LAG3: variants seen among roughly 807,000 people sequenced by gnomAD.
LAG3 encodes lymphocyte activation gene 3 protein.
In LAG3, 29 loss-of-function variants were observed where a neutral mutation model predicts 49.0. The ratio of observed to expected loss-of-function variants is 0.59; its 90% confidence interval spans 0.44 to 0.81. The LOEUF (loss-of-function observed/expected upper bound fraction) is 0.81, where lower values mean the gene tolerates loss of function less well. LAG3 is among the 30% of genes least tolerant of loss of function. The pLI, the probability that LAG3 is intolerant of heterozygous loss-of-function variation, is 0.00. For missense variants in LAG3, 693 were observed against 695.2 expected (o/e 1.00, Z 0.04); for synonymous variants, 320 against 297.3 (o/e 1.08, Z -0.79).
Position 6,778,280 on chromosome 12 carries a change from A to T in LAG3, c.1468A>T (p.Ile490Phe), listed in dbSNP as rs139429051. Residue 490 changes from isoleucine (I) to phenylalanine (F), a missense_variant, in exon 8 of 8, where the codon ATT (isoleucine) becomes TTT (phenylalanine). Coordinates refer to ENST00000203629, the MANE Select transcript of LAG3 (RefSeq NM_002286.6). ...PRRFSALEQG[I>F]HPPQAQSKIE... is the part of the protein sequence containing the mutation. ...ACGATTTTCTGCCTTAGAGCAAGGG[A>T]TTCACCCTCCGCAGGCTCAGAGCAA... 12,118 of 1,611,872 alleles carry T rather than the reference A, an allele frequency of 7.5e-3. 55 individuals carry two copies. Among genetic ancestry groups the T allele is most frequent in the Non-Finnish European group, 8.8e-3 (10,399 of 1,178,984 alleles).
In LAG3 at chr12:6,775,345, C is replaced by T; in HGVS notation, c.854C>T (p.Pro285Leu). 6.2e-7 allele frequency: 1 copy of T among 1,614,212 alleles called. No homozygotes were observed. The highest frequency in any genetic ancestry group is 8.5e-7 in the Non-Finnish European group (1 of 1,180,036). The change falls in exon 5 of 8, where the codon CCT becomes CTT. Residue 285 changes from proline (P) to leucine (L), a missense_variant. Pro to Leu is a moderately conservative substitution (Grantham distance 98). Transcript: ENST00000203629. ...GSRVGLPCRL[P>L]AGVGTRSFLT... ...AGGGTGGGGCTGCCCTGCCGCCTGC[C>T]TGCTGGTGTGGGGACCCGGTCTTTC...
intron 6 of LAG3, 132 bp downstream of exon 6, chr12:6,777,638 AGGGTTGACCCGT>A: frequency 6.8e-7 from 1 of 1,465,732 alleles, no homozygotes; most frequent in African/African-American, 1.4e-5. Context: ...GCTTTTGCCT[AGGGTTGACCCGT>A]TTCCGCCACT....
intron 6 of LAG3, 125 bp downstream of exon 6, chr12:6,777,631 T>C (rs1941923481): frequency 6.8e-7 from 1 of 1,475,168 alleles, no homozygotes. Context: ...ATCTCTGGCT[T>C]TTGCCTAGGG....
rs1216571162 is a variant in LAG3 at position 6,777,269 on chromosome 12, C to T, written c.1063C>T (p.Pro355Ser). ...TVTLAIITVT[P>S]KSFGSPGSLG... ...CTTCCTTCTACTCTTTTCAGTGACTCCCAAATCCTTTGGGTCACCTGGATC... is the reference window on the plus strand; with the variant it reads ...CTTCCTTCTACTCTTTTCAGTGACTTCCAAATCCTTTGGGTCACCTGGATC... The change falls in exon 6 of 8, where the codon CCC becomes TCC. Residue 355 changes from proline to serine, a missense_variant. Physicochemically the swap from Pro to Ser is moderately conservative, Grantham distance 74 (BLOSUM62 -1). Coordinates refer to ENST00000203629, the MANE Select transcript of LAG3 (RefSeq NM_002286.6). 1.2e-6 allele frequency: 2 copies of T among 1,614,118 alleles called. No individual in the cohort carries two copies. Among genetic ancestry groups the T allele is most frequent in the Non-Finnish European group, 1.7e-6 (2 of 1,180,012 alleles).
intron 3 of LAG3, 109 bp downstream of exon 3, chr12:6,774,110 A>T: frequency 7.5e-7 from 1 of 1,325,958 alleles, no homozygotes; most frequent in Non-Finnish European, 9.6e-7. Context: ...GCCCTGTCGG[A>T]GAGCTCCCAG....
chr12:6,776,101 C>T (rs1216932970), intron 5 of LAG3, among the ~76,000 whole-genome samples: 3 of 152,206 alleles, frequency 2.0e-5, no homozygotes, highest in Non-Finnish European at 2.9e-5. Flanking sequence ...CACGCACCTG[C>T]GGCCACTCAG....
Position 6,777,432 on chromosome 12 carries a change from C to T in LAG3, c.1226C>T (p.Pro409Leu), listed in dbSNP as rs1941919584. 2 of 1,614,220 alleles carry T rather than the reference C, an allele frequency of 1.2e-6. No homozygotes were observed. The highest frequency in any genetic ancestry group is 2.7e-5 in the African/African-American group (2 of 75,054). The change falls in exon 6 of 8, where the codon CCT becomes CTT. Residue 409 changes from proline to leucine, a missense_variant. Coordinates refer to ENST00000203629, the MANE Select transcript of LAG3 (RefSeq NM_002286.6). ...CAGGAGGCCCAGCTCCTTTCCCAGCCTTGGCAATGCCAGCTGTACCAGGGG... is the reference window on the plus strand; with the variant it reads ...CAGGAGGCCCAGCTCCTTTCCCAGCTTTGGCAATGCCAGCTGTACCAGGGG... The part of the protein sequence containing the change: ...EAQEAQLLSQ[P>L]WQCQLYQGER...
Position 6,774,711 on chromosome 12 carries a change from C to A in LAG3, c.628C>A (p.Arg210=). Residue 210 remains arginine, a synonymous_variant, in exon 4 of 8, where the codon CGA becomes AGA. Transcript: ENST00000203629. Reference sequence around the variant, plus strand: ...TTGGTTCCGGAACCGGGGCCAGGGCCGAGTCCCTGTCCGGGAGTCCCCCCA... The same window carrying A: ...TTGGTTCCGGAACCGGGGCCAGGGCAGAGTCCCTGTCCGGGAGTCCCCCCA... ...VHWFRNRGQG[R]VPVRESPHHH... is the part of the protein sequence containing the mutation. The A allele has an allele frequency of 6.2e-7, 1 of 1,614,170 alleles. No homozygotes were observed. Among genetic ancestry groups the A allele is most frequent in the Non-Finnish European group, 8.5e-7 (1 of 1,180,008 alleles).
chr12:6,773,718 C>T lies in LAG3; in HGVS notation c.228C>T (p.Pro76=), dbSNP rs1941869556. The change falls in exon 3 of 8, where the codon CCC becomes CCT. Residue 76 remains proline, a synonymous_variant. Coordinates refer to ENST00000203629, the MANE Select transcript of LAG3 (RefSeq NM_002286.6). The surrounding 1 kb of genome is among the most constrained non-coding windows in gnomAD (Gnocchi z 5.5). ...CCAGTGGCCCGCCCGCTGCCGCCCC[C>T]GGCCATCCCCTGGCCCCCGGCCCTC... ...QPDSGPPAAA[P]GHPLAPGPHP... The T allele has an allele frequency of 3.0e-6, 4 of 1,349,746 alleles. No homozygotes were observed. The highest frequency in any genetic ancestry group is 2.1e-5 in the South Asian group (1 of 48,416). The allele number at this position is 1,349,746 out of a possible 1,614,324, so 83.6% of individuals were successfully genotyped here. A position where few individuals can be genotyped will look rare whatever the true frequency, so the allele number is the denominator to read the frequency against.
Position 6,773,997 on chromosome 12 carries a change from C to A in LAG3, c.507C>A (p.Ala169=). Residue 169 remains alanine (A), a synonymous_variant, in exon 3 of 8, where the codon GCC becomes GCA. Transcript: ENST00000203629. The surrounding 1 kb of genome is among the most constrained non-coding windows in gnomAD (Gnocchi z 5.5). ...SCRLRLRLGQ[A]SMTASPPGSL... Reference sequence around the variant, plus strand: ...GCCTCCGTCTGCGCCTGGGCCAGGCCTCGAGTATGTGGGGCGGGACGATGG... The same window carrying A: ...GCCTCCGTCTGCGCCTGGGCCAGGCATCGAGTATGTGGGGCGGGACGATGG... 1 of 1,427,636 alleles carries A rather than the reference C, an allele frequency of 7.0e-7. No homozygotes were observed. 88.4% of individuals were successfully genotyped at this position (1,427,636 alleles called of 1,614,324 possible).
Position 6,773,810 on chromosome 12 carries a change from G to C in LAG3, c.320G>C (p.Gly107Ala). Residue 107 changes from glycine (G) to alanine (A), a missense_variant, in exon 3 of 8, where the codon GGA becomes GCA. By Grantham distance (60) the Gly-to-Ala change is moderately conservative (BLOSUM62 0). Coordinates refer to ENST00000203629, the MANE Select transcript of LAG3 (RefSeq NM_002286.6). The surrounding 1 kb of genome is among the most constrained non-coding windows in gnomAD (Gnocchi z 5.5). Reference sequence around the variant, plus strand: ...TACACGGTGCTGAGCGTGGGTCCCGGAGGCCTGCGCAGCGGGAGGCTGCCC... The same window carrying C: ...TACACGGTGCTGAGCGTGGGTCCCGCAGGCCTGCGCAGCGGGAGGCTGCCC... ...RRYTVLSVGPGGLRSGRLPLQ... is the reference protein window; with the variant it reads ...RRYTVLSVGPAGLRSGRLPLQ... 1 of 1,400,458 alleles carries C rather than the reference G, an allele frequency of 7.1e-7. No individual in the cohort carries two copies. The allele number at this position is 1,400,458 out of a possible 1,614,324, so 86.8% of individuals were successfully genotyped here.
At position 6,773,606 on chromosome 12, in the gene LAG3, C is replaced by A. The variant is rs747819544; in HGVS notation, c.207-91C>A. The A allele has an allele frequency of 9.8e-6, 13 of 1,320,744 alleles. No individual in the cohort carries two copies. The highest frequency in any genetic ancestry group is 6.0e-5 in the South Asian group (3 of 49,948). The allele number at this position is 1,320,744 out of a possible 1,614,324, so 81.8% of individuals were successfully genotyped here. A position where few individuals can be genotyped will look rare whatever the true frequency, so the allele number is the denominator to read the frequency against. On this transcript the variant is annotated intron_variant, in intron 2 of 7. Coordinates refer to ENST00000203629, the MANE Select transcript of LAG3 (RefSeq NM_002286.6). The surrounding 1 kb of genome is among the most constrained non-coding windows in gnomAD (Gnocchi z 5.5). ...TTGGTGGTCAAGAGAACTCTTGGGG[C>A]GGGCTTTCTCATCCTCAACGGGTGG...
At chr12:6,775,676 C>A (rs1941899948) in intron 5 of LAG3, 128 bp downstream of exon 5, 1 of 871,534 alleles carries the variant, frequency 1.1e-6, no homozygotes, top group African/African-American at 1.7e-5. Context: ...AGTTCCAGAG[C>A]CTGCCCATCT....
chr12:6,777,225 G>A (rs199640257), intron 5 of LAG3, 39 bp from the exon 6 acceptor site: 4 of 1,612,660 alleles, frequency 2.5e-6, no homozygotes, highest in Admixed American at 3.3e-5. Context: ...CGTAAGGGGG[G>A]CAGAATCCCA....
rs1451240296 is a variant in LAG3, at chr12:6,773,346, A to G, written c.206+7A>G. 6.2e-7 allele frequency: 1 copy of G among 1,613,092 alleles called. No homozygotes were observed. The highest frequency in any genetic ancestry group is 2.2e-5 in the East Asian group (1 of 44,824). ...GGCAGCATCAGCCAGACAGGTATGC[A>G]CCCCAAACTTGGGCAACAGGACCTC... On this transcript the variant is annotated splice_region_variant and intron_variant, in intron 2 of 7. Transcript: ENST00000203629. The surrounding 1 kb of genome is among the most constrained non-coding windows in gnomAD (Gnocchi z 5.5).
chr12:6,775,708 C>G, intron 5 of LAG3, 160 bp downstream of exon 5: 3 of 665,998 alleles, frequency 4.5e-6, no homozygotes, highest in Non-Finnish European at 7.6e-6. Flanking sequence ...TTTCTCACCC[C>G]CATAATAAAG....
rs778100099 is a variant in LAG3 at position 6,778,342 on chromosome 12, G to C, written c.1530G>C (p.Pro510=). The change falls in exon 8 of 8, where the codon CCG becomes CCC. Residue 510 remains proline, a synonymous_variant. Transcript: ENST00000203629. ...TGGAGCAAGAACCGGAGCCGGAGCC[G>C]GAGCCGGAACCGGAGCCCGAGCCCG... The part of the protein sequence containing the change: ...EELEQEPEPE[P]EPEPEPEPEP... The C allele has an allele frequency of 2.5e-6, 4 of 1,612,864 alleles. No homozygotes were observed. The African/African-American group carries it at 4.0e-5, about 16-fold the overall frequency.
intron 4 of LAG3, 123 bp downstream of exon 4, chr12:6,774,987 G>A (rs1941890180): frequency 3.0e-6 from 3 of 1,016,498 alleles, no homozygotes; most frequent in Non-Finnish European, 4.4e-6. Context: ...ATTGCTGTGG[G>A]TCTCACTGTT....
rs1203037248 is a variant in LAG3 at position 6,772,833 on chromosome 12, C to T, written c.-20C>T. 2 of 1,577,920 alleles carry T rather than the reference C, an allele frequency of 1.3e-6. No homozygotes were observed. Among genetic ancestry groups the T allele is most frequent in the East Asian group, 2.4e-5 (1 of 41,616 alleles). On this transcript the variant is annotated 5_prime_UTR_variant, in exon 1 of 8. Coordinates refer to ENST00000203629, the MANE Select transcript of LAG3 (RefSeq NM_002286.6). ...TGACCTCCTTTTGGAGGGCTCAGCG[C>T]TGCCCAGACCATAGGAGAGATGTGG...
Sources: allele counts gnomAD v4.1 joint callset (sites outside exome capture counted in the v4.1 genomes callset), GRCh38; gene constraint gnomAD v4.1.1; non-coding constraint Gnocchi (gnomAD v3.1); transcripts MANE v1.5; gene names NCBI Gene and HGNC (gene_info 2026-07-23, HGNC 2026-07-21).